The following FBF1 variants were observed in gnomAD, a reference collection of about 807,000 sequenced individuals.
The protein encoded by FBF1 is fas-binding factor 1.
Under a neutral mutation model 147.2 loss-of-function variants are expected in FBF1, and 119 were observed. That is an observed-to-expected ratio of 0.81 (90% CI 0.70 to 0.94). The LOEUF is 0.94. Among genes scored for constraint, FBF1 ranks in the 40% least tolerant of loss-of-function variants. The pLI is 0.00. For synonymous variants in FBF1, 601 were observed against 609.0 expected, an observed-to-expected ratio of 0.99 and a Z score of 0.19; for missense variants, 1,449 against 1,500.8, an observed-to-expected ratio of 0.97 and a Z score of 0.57.
chr17:75,931,114 CAA>C, intron 6 of FBF1, 113 bp downstream of exon 6: 1 of 1,111,256 alleles, frequency 9.0e-7, no homozygotes, highest in Non-Finnish European at 1.3e-6. Flanking sequence ...ACAAAAAGAA[CAA>C]AGTGACTTTG....
intron 28 of FBF1, 193 bp downstream of exon 28, chr17:75,913,509 T>G: frequency 2.1e-6 from 1 of 474,034 alleles, no homozygotes; most frequent in Non-Finnish European, 3.6e-6. Flanking sequence ...AAAGGTGACA[T>G]TTTTCATAAT....
chr17:75,923,348 G>A lies in FBF1; in HGVS notation c.1262C>T (p.Ala421Val), dbSNP rs371958708. The A allele has an allele frequency of 4.4e-5, 71 of 1,604,166 alleles. No individual in the cohort carries two copies. Among genetic ancestry groups the A allele is most frequent in the Non-Finnish European group, 5.6e-5 (66 of 1,175,842 alleles). Residue 421 changes from alanine (A) to valine (V), a missense_variant, in exon 14 of 30, where the codon GCC becomes GTC. By Grantham distance (64) the Ala-to-Val change is moderately conservative. Transcript: ENST00000636174. This position sits in a 1 kb window ranked among gnomAD's most constrained non-coding sequence, Gnocchi z 4.1. ...GGCTCGCAGCTTGGAAGCCTGGCTGGCTTTGGCAGGGGACCCTGCACCTTC... is the reference window on the plus strand; with the variant it reads ...GGCTCGCAGCTTGGAAGCCTGGCTGACTTTGGCAGGGGACCCTGCACCTTC... ...PTEGAGSPAK[A>V]SQASKLRASK...
At position 75,910,949 on chromosome 17, in the gene FBF1, C is replaced by T; in HGVS notation, c.3364-143G>A. On this transcript the variant is annotated intron_variant, in intron 29 of 29. Transcript: ENST00000636174. This position sits in a 1 kb window ranked among gnomAD's most constrained non-coding sequence, Gnocchi z 4.1. Reference sequence around the variant, plus strand: ...CCTGGCTCTGGGAGTCAGCAGGGGCCATGAAAGAGCCCAGGTATGGAGTGA... The same window carrying T: ...CCTGGCTCTGGGAGTCAGCAGGGGCTATGAAAGAGCCCAGGTATGGAGTGA... 1.5e-6 allele frequency: 1 copy of T among 663,384 alleles called. No individual in the cohort carries two copies. Among genetic ancestry groups the T allele is most frequent in the South Asian group, 1.8e-5 (1 of 55,304 alleles). 41.1% of individuals were successfully genotyped at this position (663,384 alleles called of 1,614,324 possible).
chr17:75,913,290 G>A (rs1014770296), intron 28 of FBF1, among the ~76,000 whole-genome samples: 40 of 151,432 alleles, frequency 2.6e-4, no homozygotes, highest in African/African-American at 9.2e-4. Flanking sequence ...CTGGGATTAC[G>A]GGCACCTGCC....
intron 28 of FBF1, 27 bp downstream of exon 28, chr17:75,913,675 C>A (rs1304824149): frequency 1.3e-6 from 2 of 1,549,848 alleles, no homozygotes; most frequent in Non-Finnish European, 1.7e-6. Context: ...TCCTGAGCCG[C>A]CGGCCCTTCC....
At chr17:75,935,165 C>CTT (rs1567864350) in intron 4 of FBF1, among the ~76,000 whole-genome samples, 1 of 148,242 alleles carries the variant, frequency 6.7e-6, no homozygotes, top group African/African-American at 2.6e-5. Flanking sequence ...AATTACATCT[C>CTT]ATTTTTTTTT....
chr17:75,920,297 G>C lies in FBF1; in HGVS notation c.1807C>G (p.Arg603Gly). 6.2e-7 allele frequency: 1 copy of C among 1,610,954 alleles called. No homozygotes were observed. The change falls in exon 18 of 30, where the codon CGG becomes GGG. Residue 603 changes from arginine (R) to glycine (G), a missense_variant. Transcript: ENST00000636174. ...ACCTGGGCCTCCAGCTCTGCCAGCC[G>C]GGCCTGGCTATGCAGCAGCTCGGCC... ...LQAELLHSQA[R>G]LAELEAQVRK...
chr17:75,932,186 G>A (rs2144190453), intron 5 of FBF1, among the ~76,000 whole-genome samples: 1 of 152,138 alleles, frequency 6.6e-6, no homozygotes. Context: ...TTCGAGACCA[G>A]CCTGGTCAAC....
Position 75,909,589 on chromosome 17 carries a change from G to C in FBF1, c.*1134C>G. 2.1e-6 allele frequency: 1 copy of C among 479,778 alleles called. No homozygotes were observed. The highest frequency in any genetic ancestry group is 3.7e-6 in the Non-Finnish European group (1 of 270,608). The allele number at this position is 479,778 out of a possible 1,614,324, so 29.7% of individuals were successfully genotyped here. A position where few individuals can be genotyped will look rare whatever the true frequency, so the allele number is the denominator to read the frequency against. On this transcript the variant is annotated 3_prime_UTR_variant, in exon 30 of 30. Coordinates refer to ENST00000636174, the MANE Select transcript of FBF1 (RefSeq NM_001319193.2). ...AGCTACTCACTGTCATTTCAGGCAGGTTATTTAATCTCCCCGGGCCTCAGT... is the reference window on the plus strand; with the variant it reads ...AGCTACTCACTGTCATTTCAGGCAGCTTATTTAATCTCCCCGGGCCTCAGT...
Position 75,925,302 on chromosome 17 carries a change from G to A in FBF1, c.968+45C>T. The A allele has an allele frequency of 6.6e-7, 1 of 1,514,368 alleles. No individual in the cohort carries two copies. The highest frequency in any genetic ancestry group is 9.1e-7 in the Non-Finnish European group (1 of 1,102,724). 93.8% of individuals were successfully genotyped at this position (1,514,368 alleles called of 1,614,324 possible). On this transcript the variant is annotated intron_variant, in intron 13 of 29. Transcript: ENST00000636174. This position sits in a 1 kb window ranked among gnomAD's most constrained non-coding sequence, Gnocchi z 5.0. ...GCTGCAGGGGCCTGTCTTCCCAGTG[G>A]CCGACCTGTCTCAAGAGGCCAAGCC...
chr17:75,920,141 G>T (rs748735949), intron 18 of FBF1, 34 bp from the exon 19 acceptor site: 1 of 1,580,558 alleles, frequency 6.3e-7, no homozygotes, highest in South Asian at 1.1e-5. Flanking sequence ...CAACCAGGGA[G>T]GGGAGGTGGC....
Position 75,920,046 on chromosome 17 carries a change from T to G in FBF1, c.1892A>C (p.Gln631Pro). Residue 631 changes from glutamine (Q) to proline (P), a missense_variant, in exon 19 of 30, where the codon CAG becomes CCG. Coordinates refer to ENST00000636174, the MANE Select transcript of FBF1 (RefSeq NM_001319193.2). The part of the protein sequence containing the change: ...HELLLGSLQQ[Q>P]HQADLELIES... ...GATGAGCTCCAGGTCTGCCTGGTGCTGCTGCTGCAGACTCCCCAGCAGCAG... is the reference window on the plus strand; with the variant it reads ...GATGAGCTCCAGGTCTGCCTGGTGCGGCTGCTGCAGACTCCCCAGCAGCAG... 6.2e-7 allele frequency: 1 copy of G among 1,602,438 alleles called. No homozygotes were observed.
rs2144144200 is a variant in FBF1, at chr17:75,909,698, TGGAGG to T, written c.*1020_*1024del. On this transcript the variant is annotated 3_prime_UTR_variant, in exon 30 of 30. Transcript: ENST00000636174. ...AGGTGCCACCGCAGACCGCAGGTGC[TGGAGG>T]GGAGAGGCACGTGGCCAGAGGCGCC... 1.7e-6 allele frequency: 1 copy of T among 579,166 alleles called. No homozygotes were observed. Among genetic ancestry groups the T allele is most frequent in the East Asian group, 2.8e-5 (1 of 35,950 alleles). 35.9% of individuals were successfully genotyped at this position (579,166 alleles called of 1,614,324 possible). A position where few individuals can be genotyped will look rare whatever the true frequency, so the allele number is the denominator to read the frequency against.
In FBF1 at chr17:75,932,250, G is replaced by T. The variant is rs1405747613; in HGVS notation, c.167+745C>A. Among the ~76,000 whole-genome samples, 4 of 152,234 alleles carry T rather than the reference G, an allele frequency of 2.6e-5. No individual in the cohort carries two copies. In the East Asian group the frequency reaches 7.8e-4, roughly 30 times the overall value. Reference sequence around the variant, plus strand: ...AAAGTAGCCAGACGTGGTGGTGTGTGCCTGTAATCCCAACTGCGTGGGAGG... The same window carrying T: ...AAAGTAGCCAGACGTGGTGGTGTGTTCCTGTAATCCCAACTGCGTGGGAGG... On this transcript the variant is annotated intron_variant, in intron 5 of 29. Coordinates refer to ENST00000636174, the MANE Select transcript of FBF1 (RefSeq NM_001319193.2).
intron 4 of FBF1, among the ~76,000 whole-genome samples, chr17:75,933,805 A>G (rs1279216404): frequency 6.7e-6 from 1 of 149,884 alleles, no homozygotes; most frequent in Non-Finnish European, 1.5e-5. Context: ...AAACACATGA[A>G]AAGATGCTGA....
chr17:75,910,568 G>T lies in FBF1; in HGVS notation c.*155C>A. ...GGGCTGCCCCGGGCTGGCACATTTG[G>T]AAAGGATGCACTTGCACCCTGTCCA... On this transcript the variant is annotated 3_prime_UTR_variant, in exon 30 of 30. Coordinates refer to ENST00000636174, the MANE Select transcript of FBF1 (RefSeq NM_001319193.2). The surrounding 1 kb of genome is among the most constrained non-coding windows in gnomAD (Gnocchi z 4.1). The T allele has an allele frequency of 1.5e-6, 1 of 655,864 alleles. No homozygotes were observed. Among genetic ancestry groups the T allele is most frequent in the Non-Finnish European group, 2.6e-6 (1 of 384,646 alleles). 40.6% of individuals were successfully genotyped at this position (655,864 alleles called of 1,614,324 possible).
In FBF1 at chr17:75,933,141, C is replaced by A; in HGVS notation, c.74-53G>T. 3 of 1,417,622 alleles carry A rather than the reference C, an allele frequency of 2.1e-6. No homozygotes were observed. In the South Asian group the frequency reaches 3.7e-5, roughly 18 times the overall value. 87.8% of individuals were successfully genotyped at this position (1,417,622 alleles called of 1,614,324 possible). On this transcript the variant is annotated intron_variant, in intron 4 of 29. Transcript: ENST00000636174. ...TCATTTAACTAAAGGTACCTGGAGT[C>A]AAGATGCAAAGGCTGGCAAGCTCCC...
At position 75,910,906 on chromosome 17, in the gene FBF1, A is replaced by C. The variant is rs1472736861; in HGVS notation, c.3364-100T>G. Reference sequence around the variant, plus strand: ...CCAGCCGTCACTGAGGCCCCTCCCCACATCGTCCCTGACTCTGCCTGGCTC... The same window carrying C: ...CCAGCCGTCACTGAGGCCCCTCCCCCCATCGTCCCTGACTCTGCCTGGCTC... On this transcript the variant is annotated intron_variant, in intron 29 of 29. Transcript: ENST00000636174. This position sits in a 1 kb window ranked among gnomAD's most constrained non-coding sequence, Gnocchi z 4.1. 1.9e-5 allele frequency: 19 copies of C among 993,678 alleles called. No individual in the cohort carries two copies. The Admixed American group carries it at 3.9e-4, about 20-fold the overall frequency. 61.6% of individuals were successfully genotyped at this position (993,678 alleles called of 1,614,324 possible). A position where few individuals can be genotyped will look rare whatever the true frequency, so the allele number is the denominator to read the frequency against.
chr17:75,938,153 A>G lies in FBF1; in HGVS notation c.-4T>C, dbSNP rs1335139321. ...TACTCTGAACTCTGCCTACCATCTCACGGCTCTCGGGGGTGCTCTCAGCTC... is the reference window on the plus strand; with the variant it reads ...TACTCTGAACTCTGCCTACCATCTCGCGGCTCTCGGGGGTGCTCTCAGCTC... On this transcript the variant is annotated 5_prime_UTR_variant, in exon 2 of 30. Transcript: ENST00000636174. 1 of 1,612,442 alleles carries G rather than the reference A, an allele frequency of 6.2e-7. No individual in the cohort carries two copies. Among genetic ancestry groups the G allele is most frequent in the Non-Finnish European group, 8.5e-7 (1 of 1,179,522 alleles).
Sources: allele counts gnomAD v4.1 joint callset (sites outside exome capture counted in the v4.1 genomes callset), GRCh38; gene constraint gnomAD v4.1.1; non-coding constraint Gnocchi (gnomAD v3.1); transcripts MANE v1.5; gene names NCBI Gene and HGNC (gene_info 2026-07-23, HGNC 2026-07-21).